The following ARSB variants were observed in gnomAD, a reference collection of about 807,000 sequenced individuals.
ARSB encodes N-acetylgalactosamine-4-sulfatase.
In ARSB, 41 loss-of-function variants were observed where a neutral mutation model predicts 50.9. The ratio of observed to expected loss-of-function variants is 0.81; its 90% CI spans 0.63 to 1.04. ARSB has a LOEUF of 1.04. ARSB is among the 50% of genes least tolerant of loss of function. The pLI is 0.00. For synonymous variants in ARSB, 269 were observed against 284.8 expected, an observed-to-expected ratio of 0.94 and a Z score of 0.56; for missense variants, 672 against 693.3, an observed-to-expected ratio of 0.97 and a Z score of 0.35.
At chr5:78,918,958 C>T (rs1027993760) in intron 4 of ARSB, among the ~76,000 whole-genome samples, 16 of 152,092 alleles carry the variant, frequency 1.1e-4, no homozygotes, top group African/African-American at 3.6e-4. Flanking sequence ...ACATAAAATG[C>T]TGCAGTTGAG....
chr5:78,975,618 TAACTA>T (rs1752632962), intron 1 of ARSB, among the ~76,000 whole-genome samples: 1 of 152,196 alleles, frequency 6.6e-6, no homozygotes, highest in African/African-American at 2.4e-5. Flanking sequence ...TTACTTTTCT[TAACTA>T]TTTTCCCAGA....
chr5:78,928,474 C>G (rs925668640), intron 4 of ARSB, among the ~76,000 whole-genome samples: 2 of 152,012 alleles, frequency 1.3e-5, no homozygotes, highest in Non-Finnish European at 2.9e-5. Flanking sequence ...ACCACCACAT[C>G]TGGCTAATTT....
rs727503809 is a variant in ARSB, at chr5:78,885,782, C to T, written c.944G>A (p.Arg315Gln). Residue 315 changes from arginine to glutamine, a missense_variant, in exon 5 of 8, where the codon CGA becomes CAA. Transcript: ENST00000264914. ...TLAGGNNWPL[R>Q]GRKWSLWEGG... ...TTCCCACAGGCTCCATTTTCTTCCT[C>T]GAAGGGGCCAGTTATTACCCCCTGC... The T allele has an allele frequency of 6.2e-6, 10 of 1,614,138 alleles. No homozygotes were observed. The highest frequency in any genetic ancestry group is 1.1e-5 in the South Asian group (1 of 91,078).
At chr5:78,858,415 A>G (rs185165374) in intron 5 of ARSB, among the ~76,000 whole-genome samples, 9 of 152,330 alleles carry the variant, frequency 5.9e-5, no homozygotes, top group Admixed American at 5.9e-4. Flanking sequence ...CTGACCAGTG[A>G]CCAGTTTCCA....
intron 6 of ARSB, among the ~76,000 whole-genome samples, chr5:78,791,826 T>G (rs1749242701): frequency 6.6e-6 from 1 of 152,224 alleles, no homozygotes; most frequent in South Asian, 2.1e-4. Flanking sequence ...GATGCTTTAG[T>G]GAACCTCTTT....
chr5:78,927,469 T>C (rs1490680079), intron 4 of ARSB, among the ~76,000 whole-genome samples: 1 of 152,202 alleles, frequency 6.6e-6, no homozygotes. Context: ...CTTCCTGCCA[T>C]TTTCTTAATT....
At chr5:78,861,415 A>T (rs938557628) in intron 5 of ARSB, among the ~76,000 whole-genome samples, 3 of 152,180 alleles carry the variant, frequency 2.0e-5, no homozygotes, top group Admixed American at 6.5e-5. Context: ...TTATCCACCA[A>T]GATCAAGTTG....
At chr5:78,852,752 G>A (rs370975035) in intron 5 of ARSB, among the ~76,000 whole-genome samples, 223 of 151,618 alleles carry the variant, frequency 1.5e-3, no homozygotes, top group African/African-American at 4.6e-3. Flanking sequence ...GGCTTTGTTC[G>A]TTTCTTTTTA....
intron 3 of ARSB, among the ~76,000 whole-genome samples, chr5:78,956,563 A>G (rs758413261): frequency 6.6e-6 from 1 of 152,272 alleles, no homozygotes; most frequent in Non-Finnish European, 1.5e-5. Flanking sequence ...AAAAGACACA[A>G]GACAAAAAAT....
At chr5:78,787,700 T>C (rs905746002) in intron 6 of ARSB, among the ~76,000 whole-genome samples, 3 of 152,182 alleles carry the variant, frequency 2.0e-5, no homozygotes, top group African/African-American at 4.8e-5. Context: ...ACTGTTGATA[T>C]TGGCAGAATA....
chr5:78,937,139 C>G (rs747800923), intron 4 of ARSB, among the ~76,000 whole-genome samples: 13 of 151,710 alleles, frequency 8.6e-5, no homozygotes, highest in Non-Finnish European at 1.5e-4. Flanking sequence ...GAAACGGATT[C>G]ATCTTAAATG....
At chr5:78,852,488 C>T (rs1253490862) in intron 5 of ARSB, among the ~76,000 whole-genome samples, 1 of 152,204 alleles carries the variant, frequency 6.6e-6, no homozygotes, top group South Asian at 2.1e-4. Context: ...CTGCCCTTAA[C>T]ATTTTTTCCT....
In ARSB at chr5:78,889,723, C is replaced by T. The variant is rs145870031; in HGVS notation, c.899-3896G>A. Among the ~76,000 whole-genome samples, 692 of 152,272 alleles carry T rather than the reference C, an allele frequency of 4.5e-3. 3 individuals carry two copies. The highest frequency in any genetic ancestry group is 0.016 in the African/African-American group (663 of 41,548). On this transcript the variant is annotated intron_variant, in intron 4 of 7. Coordinates refer to ENST00000264914, the MANE Select transcript of ARSB (RefSeq NM_000046.5). The stretch of plus-strand genomic sequence containing the variant: ...AAACATTAAGTATATGACAATGAAG[C>T]CTCATCCATATCCAGCTGATAAAAA...
At chr5:78,806,279 A>G (rs1743559806) in intron 6 of ARSB, among the ~76,000 whole-genome samples, 1 of 152,260 alleles carries the variant, frequency 6.6e-6, no homozygotes, top group Admixed American at 6.5e-5. Flanking sequence ...GGCATGTGTA[A>G]CAACTGTATA....
chr5:78,841,168 C>CTACTAATAATAATAA (rs368030435), intron 5 of ARSB, among the ~76,000 whole-genome samples: 76 of 132,018 alleles, frequency 5.8e-4, no homozygotes, highest in South Asian at 2.1e-3. Flanking sequence ...ACTACTACTA[C>CTACTAATAATAATAA]TAATAATAAT....
chr5:78,781,370 C>T (rs1748921902), intron 7 of ARSB, among the ~76,000 whole-genome samples: 1 of 103,684 alleles, frequency 9.6e-6, no homozygotes, highest in Non-Finnish European at 1.7e-5. Context: ...GTAGGTTAAA[C>T]CATTTCTTCC....
At chr5:78,816,696 T>C (rs1002790624) in intron 6 of ARSB, among the ~76,000 whole-genome samples, 5 of 152,216 alleles carry the variant, frequency 3.3e-5, no homozygotes, top group African/African-American at 1.2e-4. Flanking sequence ...GAGATTCTAA[T>C]TGTGAGAGGG....
At chr5:78,971,963 ATAAT>A (rs1430470988) in intron 1 of ARSB, among the ~76,000 whole-genome samples, 1 of 152,252 alleles carries the variant, frequency 6.6e-6, no homozygotes, top group Non-Finnish European at 1.5e-5. Flanking sequence ...TCTCCTAGAA[ATAAT>A]TAGACACCTA....
At chr5:78,797,607 T>C (rs769813158) in intron 6 of ARSB, among the ~76,000 whole-genome samples, 7 of 152,246 alleles carry the variant, frequency 4.6e-5, no homozygotes, top group African/African-American at 7.2e-5. Flanking sequence ...GTATCCACCA[T>C]GGACAATAGC....
Sources: gnomAD v4.1 joint callset for allele counts (sites outside exome capture counted in the v4.1 genomes callset) on GRCh38, gnomAD v4.1.1 for gene constraint, MANE v1.5 for transcripts, NCBI Gene and HGNC (gene_info 2026-07-23, HGNC 2026-07-21) for gene names.